The following ZNF532 variants were observed in gnomAD, a reference collection of about 807,000 sequenced individuals.
ZNF532 encodes the protein zinc finger protein 532.
In ZNF532, 22 loss-of-function variants were observed where a neutral mutation model predicts 89.3. The observed-to-expected ratio is 0.25, with a 90% CI of 0.18 to 0.35. ZNF532 has a LOEUF of 0.35. Among genes scored for constraint, ZNF532 ranks in the 10% least tolerant of loss-of-function variants. The pLI, the probability that ZNF532 is intolerant of heterozygous loss-of-function variation, is 1.00. For synonymous variants in ZNF532, 606 were observed against 649.6 expected (o/e 0.93, Z 1.02); for missense variants, 1,132 against 1,643.4 (o/e 0.69, Z 5.38).
Position 58,953,759 on chromosome 18 carries a change from G to A in ZNF532, c.3110G>A (p.Arg1037Lys), listed in dbSNP as rs141887364. The change falls in exon 7 of 10, where the codon AGA becomes AAA. Residue 1037 changes from arginine to lysine, a missense_variant. Coordinates refer to ENST00000591808, the MANE Select transcript of ZNF532 (RefSeq NM_001375912.1). ...GAGTGTGACTGCCTGTTCATGCAGAGAGATGTGTACATATCCCACGTGAGG... is the reference window on the plus strand; with the variant it reads ...GAGTGTGACTGCCTGTTCATGCAGAAAGATGTGTACATATCCCACGTGAGG... ...CWECDCLFMQ[R>K]DVYISHVRKE... 4.6e-5 allele frequency: 75 copies of A among 1,614,032 alleles called. 1 individual carries two copies. Among genetic ancestry groups the A allele is most frequent in the Admixed American group, 1.7e-5 (1 of 60,004 alleles).
intron 3 of ZNF532, 33 bp from the exon 4 acceptor site, chr18:58,934,400 G>C: frequency 6.2e-7 from 1 of 1,602,398 alleles, no homozygotes; most frequent in Non-Finnish European, 8.5e-7. Flanking sequence ...TACTTAGTAG[G>C]ACCAACCCTG....
chr18:58,963,696 G>A (rs2065606464), intron 7 of ZNF532, among the ~76,000 whole-genome samples: 1 of 150,734 alleles, frequency 6.6e-6, no homozygotes, highest in African/African-American at 2.4e-5. Flanking sequence ...AGTGGCTCAC[G>A]CCTGTAATCC....
At chr18:58,946,052 T>C (rs986579188) in intron 5 of ZNF532, among the ~76,000 whole-genome samples, 3 of 152,122 alleles carry the variant, frequency 2.0e-5, no homozygotes, top group African/African-American at 7.2e-5. Flanking sequence ...TTAAAACAAT[T>C]GTCCTATGCC....
intron 2 of ZNF532, among the ~76,000 whole-genome samples, chr18:58,889,750 G>A (rs1458415059): frequency 6.6e-6 from 1 of 151,468 alleles, no homozygotes; most frequent in Admixed American, 6.6e-5. Context: ...TCCAGCCTGG[G>A]TGACAGACTG....
At chr18:58,889,130 A>G (rs1046112276) in intron 2 of ZNF532, among the ~76,000 whole-genome samples, 4 of 151,260 alleles carry the variant, frequency 2.6e-5, no homozygotes, top group Non-Finnish European at 4.4e-5. Context: ...TATTCAGTGT[A>G]CTTCTCCCCC....
chr18:58,975,999 A>G (rs148540471), intron 7 of ZNF532, among the ~76,000 whole-genome samples: 100 of 152,346 alleles, frequency 6.6e-4, no homozygotes, highest in African/African-American at 2.4e-3. Context: ...TTTTAAACTC[A>G]TAAAAGCAGA....
At chr18:58,956,252 T>C (rs1351827503) in intron 7 of ZNF532, among the ~76,000 whole-genome samples, 2 of 152,216 alleles carry the variant, frequency 1.3e-5, no homozygotes, top group Admixed American at 6.5e-5. Flanking sequence ...GATGGAGATG[T>C]TCATCAGAAT....
chr18:58,970,537 G>A (rs2147412510), intron 7 of ZNF532, among the ~76,000 whole-genome samples: 1 of 152,354 alleles, frequency 6.6e-6, no homozygotes, highest in Non-Finnish European at 1.5e-5. Flanking sequence ...GTGGTCTCTG[G>A]TGAATGTTTC....
intron 2 of ZNF532, among the ~76,000 whole-genome samples, chr18:58,899,012 G>T (rs2059424474): frequency 6.6e-6 from 1 of 152,262 alleles, no homozygotes; most frequent in African/African-American, 2.4e-5. Flanking sequence ...CACGCAGGCC[G>T]GGGCAGAGCC....
intron 2 of ZNF532, among the ~76,000 whole-genome samples, chr18:58,867,419 A>G (rs574766268): frequency 3.9e-4 from 59 of 152,258 alleles, no homozygotes; most frequent in Admixed American, 3.3e-3. Flanking sequence ...GGCGGGAGTC[A>G]TGAGCTCATC....
chr18:58,898,593 C>T (rs563811516), intron 2 of ZNF532, among the ~76,000 whole-genome samples: 15 of 152,292 alleles, frequency 9.8e-5, no homozygotes, highest in South Asian at 8.3e-4. Context: ...GAGTCTGCCC[C>T]GGCAGCCCAG....
intron 3 of ZNF532, among the ~76,000 whole-genome samples, chr18:58,924,982 G>A (rs943252647): frequency 1.3e-5 from 2 of 152,030 alleles, no homozygotes; most frequent in Non-Finnish European, 2.9e-5. Flanking sequence ...AGATTCCATT[G>A]TATGGTTATA....
At chr18:58,926,659 A>T (rs1052174904) in intron 3 of ZNF532, among the ~76,000 whole-genome samples, 2 of 152,176 alleles carry the variant, frequency 1.3e-5, no homozygotes. Context: ...TGTAGTTTTC[A>T]TCATATAAGT....
At chr18:58,887,169 C>T (rs7230530) in intron 2 of ZNF532, among the ~76,000 whole-genome samples, 35,253 of 152,218 alleles carry the variant, frequency 0.23, 4,556 homozygotes, top group Middle Eastern at 0.41. Context: ...AACACAGTTG[C>T]GTAGGGGCCC....
At chr18:58,886,190 A>G (rs1452142136) in intron 2 of ZNF532, among the ~76,000 whole-genome samples, 2 of 152,080 alleles carry the variant, frequency 1.3e-5, no homozygotes, top group African/African-American at 2.4e-5. Context: ...CACATTGGCC[A>G]GGCTGGTCTC....
intron 2 of ZNF532, among the ~76,000 whole-genome samples, chr18:58,900,690 C>T (rs2059547323): frequency 6.6e-6 from 1 of 152,218 alleles, no homozygotes; most frequent in African/African-American, 2.4e-5. Flanking sequence ...ACTCCATTCT[C>T]ACAGCATATT....
intron 7 of ZNF532, chr18:58,954,363 A>G (rs1233982532): frequency 1.6e-6 from 1 of 640,036 alleles, no homozygotes; most frequent in Non-Finnish European, 1.9e-6. Flanking sequence ...CTGATAAGGA[A>G]TTTAAAAAAT....
chr18:58,956,308 T>A (rs1420056589), intron 7 of ZNF532, among the ~76,000 whole-genome samples: 1 of 152,140 alleles, frequency 6.6e-6, no homozygotes, highest in Non-Finnish European at 1.5e-5. Flanking sequence ...TTTGAAGGAG[T>A]TGAGGCCCTG....
At chr18:58,948,018 G>C (rs1267187960) in intron 5 of ZNF532, 49 bp from the exon 6 acceptor site, 1 of 1,553,150 alleles carries the variant, frequency 6.4e-7, no homozygotes. Context: ...CAGATCCTTT[G>C]ACTTAAAGAG....
Sources: allele counts gnomAD v4.1 joint callset (sites outside exome capture counted in the v4.1 genomes callset), GRCh38; gene constraint gnomAD v4.1.1; transcripts MANE v1.5; gene names NCBI Gene and HGNC (gene_info 2026-07-23, HGNC 2026-07-21).